The following GSTM5 variants were observed in gnomAD, a reference collection of about 807,000 sequenced individuals.
The protein encoded by GSTM5 is glutathione S-transferase mu 5, also known as GST class-mu 5.
GSTM5 carries 24 observed loss-of-function variants against 29.0 expected under a neutral mutation model. The ratio of observed to expected loss-of-function variants is 0.83; its 90% CI spans 0.60 to 1.16. The LOEUF is 1.16. Among genes scored for constraint, GSTM5 ranks in the 50% most tolerant of loss-of-function variants. The pLI, the probability that GSTM5 is intolerant of heterozygous loss-of-function variation, is 0.00. For synonymous variants in GSTM5, 91 were observed against 93.6 expected (o/e 0.97, Z 0.16); for missense variants, 290 against 263.0 (o/e 1.10, Z -0.71).
At position 109,713,779 on chromosome 1, in the gene GSTM5, C is replaced by A. The variant is rs1408037961; in HGVS notation, c.360+18C>A. On this transcript the variant is annotated intron_variant, in intron 5 of 7. Transcript: ENST00000256593. ...CAGATTTTGTGAGTCCCACACCCCA[C>A]TCCCAGTCACCCATTTCCCTGCCTT... 4 of 1,601,346 alleles carry A rather than the reference C, an allele frequency of 2.5e-6. No individual in the cohort carries two copies. The highest frequency in any genetic ancestry group is 3.4e-6 in the Non-Finnish European group (4 of 1,169,702).
rs1250979300 is a variant in GSTM5 at position 109,712,473 on chromosome 1, A to C, written c.36+125A>C. The C allele has an allele frequency of 3.9e-5, 39 of 1,001,746 alleles. 1 individual carries two copies. In the South Asian group the frequency reaches 4.5e-4, roughly 11 times the overall value. The allele number at this position is 1,001,746 out of a possible 1,614,324, so 62.1% of individuals were successfully genotyped here. ...CCCGCCTCAGAAGGGCCTGTGCATGACGCTGTGTGTGTGTTTGGGGGTGGG... is the reference window on the plus strand; with the variant it reads ...CCCGCCTCAGAAGGGCCTGTGCATGCCGCTGTGTGTGTGTTTGGGGGTGGG... On this transcript the variant is annotated intron_variant, in intron 1 of 7. Coordinates refer to ENST00000256593, the MANE Select transcript of GSTM5 (RefSeq NM_000851.4).
intron 7 of GSTM5, chr1:109,716,549 G>A: frequency 6.5e-6 from 1 of 153,062 alleles, no homozygotes. Flanking sequence ...AGTAGGGCTG[G>A]AGATGTGATG....
At position 109,712,820 on chromosome 1, in the gene GSTM5, A is replaced by C. The variant is rs1648605516; in HGVS notation, c.112+127A>C. ...GGAGCTGCAGGCTGTCCCTTCCCTG[A>C]GCTCCCGTGAGTGAGCCCTCTGGCC... On this transcript the variant is annotated intron_variant, in intron 2 of 7. Coordinates refer to ENST00000256593, the MANE Select transcript of GSTM5 (RefSeq NM_000851.4). The C allele has an allele frequency of 4.5e-6, 5 of 1,110,220 alleles. No homozygotes were observed. The Admixed American group carries it at 7.4e-5, about 16-fold the overall frequency. The allele number at this position is 1,110,220 out of a possible 1,614,324, so 68.8% of individuals were successfully genotyped here.
intron 1 of GSTM5, 90 bp from the exon 2 acceptor site, chr1:109,712,528 A>G: frequency 6.8e-7 from 1 of 1,464,452 alleles, no homozygotes; most frequent in Non-Finnish European, 9.6e-7. Flanking sequence ...GGGTACGTGC[A>G]GTATAGACTA....
At chr1:109,716,976 T>C (rs1648765704) in intron 7 of GSTM5, 1 of 171,632 alleles carries the variant, frequency 5.8e-6, no homozygotes, top group Non-Finnish European at 1.2e-5. Flanking sequence ...GCTATTTGAG[T>C]GTGAGGAAGT....
At chr1:109,714,363 G>A (rs1193866961) in intron 5 of GSTM5, 1 of 167,124 alleles carries the variant, frequency 6.0e-6, no homozygotes, top group African/African-American at 2.4e-5. Context: ...TCAAGTACAA[G>A]ACCAAGGAAT....
chr1:109,717,145 T>C lies in GSTM5; in HGVS notation c.568-192T>C, dbSNP rs534814809. 1.4e-3 allele frequency: 745 copies of C among 541,450 alleles called. 3 individuals are homozygous for C. The highest frequency in any genetic ancestry group is 2.0e-3 in the Non-Finnish European group (589 of 295,592). The allele number at this position is 541,450 out of a possible 1,614,324, so 33.5% of individuals were successfully genotyped here. ...GTAAATGGTAGCTGTTATTATGGTA[T>C]AACATTACTTAAAGGAAGTTGGAAG... is the stretch of plus-strand genomic sequence containing the variant. On this transcript the variant is annotated intron_variant, in intron 7 of 7. Transcript: ENST00000256593.
intron 5 of GSTM5, 154 bp from the exon 6 acceptor site, chr1:109,714,793 G>A: frequency 1.4e-6 from 1 of 713,884 alleles, no homozygotes; most frequent in East Asian, 2.5e-5. Flanking sequence ...AAATGCTGAT[G>A]TATCCAATTG....
chr1:109,715,760 T>C, intron 7 of GSTM5: 1 of 405,894 alleles, frequency 2.5e-6, no homozygotes, highest in Non-Finnish European at 4.5e-6. Context: ...AAGCTTTGCA[T>C]GATCGGACCC....
At position 109,714,929 on chromosome 1, in the gene GSTM5, A is replaced by C; in HGVS notation, c.361-18A>C. 1 of 1,613,798 alleles carries C rather than the reference A, an allele frequency of 6.2e-7. No homozygotes were observed. The highest frequency in any genetic ancestry group is 8.5e-7 in the Non-Finnish European group (1 of 1,179,616). ...GGAGCTTTTGTCTGAGGGTGGTGACAGCTGTTTTCTGCCTCAGGAGAAACT... is the reference window on the plus strand; with the variant it reads ...GGAGCTTTTGTCTGAGGGTGGTGACCGCTGTTTTCTGCCTCAGGAGAAACT... On this transcript the variant is annotated intron_variant, in intron 5 of 7. Transcript: ENST00000256593.
Position 109,714,994 on chromosome 1 carries a change from G to A in GSTM5, c.408G>A (p.Lys136=), listed in dbSNP as rs757486209. The A allele has an allele frequency of 3.0e-5, 48 of 1,614,146 alleles. No homozygotes were observed. In the African/African-American group the frequency reaches 4.3e-4, roughly 14 times the overall value. The change falls in exon 6 of 8, where the codon AAG becomes AAA. Residue 136 remains lysine, a synonymous_variant. Transcript: ENST00000256593. The part of the protein sequence containing the change: ...KYLEELPEKL[K]LYSEFLGKRP... ...TGGAGGAACTCCCTGAAAAGCTAAA[G>A]CTCTACTCAGAGTTTCTGGGGAAGC...
intron 5 of GSTM5, chr1:109,714,604 A>C: frequency 3.2e-6 from 1 of 307,986 alleles, no homozygotes; most frequent in Non-Finnish European, 6.0e-6. Flanking sequence ...TCTTTCCCTG[A>C]GCTCCTTTAG....
intron 3 of GSTM5, 65 bp from the exon 4 acceptor site, chr1:109,713,419 A>G (rs1414364509): frequency 6.2e-7 from 1 of 1,605,656 alleles, no homozygotes; most frequent in Non-Finnish European, 8.5e-7. Flanking sequence ...GCCCTTGCAT[A>G]TGGGAAGGGG....
In GSTM5 at chr1:109,713,503, G is replaced by A. The variant is rs199509387; in HGVS notation, c.197G>A (p.Gly66Glu). The part of the protein sequence containing the change: ...DFPNLPYLID[G>E]AHKITQSNAI... ...ATCCAGCTGCCCTACTTGATTGATG[G>A]GGCTCACAAGATCACCCAGAGCAAT... Residue 66 changes from glycine (G) to glutamate (E), a missense_variant, in exon 4 of 8, where the codon GGG becomes GAG. By Grantham distance (98) the Gly-to-Glu change is moderately conservative. Coordinates refer to ENST00000256593, the MANE Select transcript of GSTM5 (RefSeq NM_000851.4). 3.7e-5 allele frequency: 60 copies of A among 1,614,098 alleles called. No individual in the cohort carries two copies. Among genetic ancestry groups the A allele is most frequent in the Admixed American group, 3.0e-4 (18 of 60,000 alleles).
In GSTM5 at chr1:109,717,398, G is replaced by T; in HGVS notation, c.629G>T (p.Gly210Val). 6.2e-7 allele frequency: 1 copy of T among 1,614,010 alleles called. No individual in the cohort carries two copies. The highest frequency in any genetic ancestry group is 1.1e-5 in the South Asian group (1 of 91,070). ...SSQFLRGLLF[G>V]KSATWNSK is the part of the protein sequence containing the mutation. ...CAATTCCTCCGAGGTCTTTTGTTTG[G>T]AAAGTCAGCTACATGGAACAGCAAA... is the stretch of plus-strand genomic sequence containing the variant. The change falls in exon 8 of 8, where the codon GGA (glycine) becomes GTA (valine). Residue 210 changes from glycine (G) to valine (V), a missense_variant. Transcript: ENST00000256593.
At chr1:109,715,713 T>A in intron 7 of GSTM5, 1 of 453,870 alleles carries the variant, frequency 2.2e-6, no homozygotes, top group South Asian at 2.2e-5. Context: ...TGATGTTGAG[T>A]ACTAAACCTG....
chr1:109,717,413 G>A lies in GSTM5; in HGVS notation c.644G>A (p.Trp215Ter). 6.2e-7 allele frequency: 1 copy of A among 1,613,410 alleles called. No homozygotes were observed. The highest frequency in any genetic ancestry group is 1.1e-5 in the South Asian group (1 of 91,064). The stretch of plus-strand genomic sequence containing the variant: ...CTTTTGTTTGGAAAGTCAGCTACAT[G>A]GAACAGCAAATAGGGCCCAGTGATG... ...RGLLFGKSAT[W>*]NSK The change falls in exon 8 of 8, where the codon TGG becomes TAG. Residue 215 changes from tryptophan to a stop codon, truncating the protein, a stop_gained. Coordinates refer to ENST00000256593, the MANE Select transcript of GSTM5 (RefSeq NM_000851.4). LOFTEE classifies it high-confidence loss of function.
chr1:109,717,389 T>A lies in GSTM5; in HGVS notation c.620T>A (p.Leu207His), dbSNP rs1359492025. The A allele has an allele frequency of 1.9e-6, 3 of 1,613,856 alleles. No individual in the cohort carries two copies. The highest frequency in any genetic ancestry group is 2.5e-6 in the Non-Finnish European group (3 of 1,179,888). Residue 207 changes from leucine to histidine, a missense_variant, in exon 8 of 8, where the codon CTT becomes CAT. Leu to His is a moderately conservative substitution (Grantham distance 99). Coordinates refer to ENST00000256593, the MANE Select transcript of GSTM5 (RefSeq NM_000851.4). ...AAGTCCAGCCAATTCCTCCGAGGTCTTTTGTTTGGAAAGTCAGCTACATGG... is the reference window on the plus strand; with the variant it reads ...AAGTCCAGCCAATTCCTCCGAGGTCATTTGTTTGGAAAGTCAGCTACATGG... Reference protein sequence around the residue: ...YMKSSQFLRGLLFGKSATWNS... With the variant: ...YMKSSQFLRGHLFGKSATWNS...
chr1:109,715,599 C>T lies in GSTM5; in HGVS notation c.567+359C>T, dbSNP rs1357204696. ...TTGTGACAAAAGGAGAAGCCTCAGGCCTCATCCAGCCTGGGTTTCACAGCC... is the reference window on the plus strand; with the variant it reads ...TTGTGACAAAAGGAGAAGCCTCAGGTCTCATCCAGCCTGGGTTTCACAGCC... On this transcript the variant is annotated intron_variant, in intron 7 of 7. Transcript: ENST00000256593. 7.4e-6 allele frequency: 8 copies of T among 1,079,816 alleles called. No homozygotes were observed. The Admixed American group carries it at 2.3e-4, about 32-fold the overall frequency. 66.9% of individuals were successfully genotyped at this position (1,079,816 alleles called of 1,614,324 possible).
Sources: gnomAD v4.1 joint callset for allele counts on GRCh38, gnomAD v4.1.1 for gene constraint, MANE v1.5 for transcripts, NCBI Gene and HGNC (gene_info 2026-07-23, HGNC 2026-07-21) for gene names.